Variants in PEX5L observed in about 807,000 individuals in gnomAD.
PEX5L encodes peroxisomal biogenesis factor 5 like, also known as PEX5-related protein.
PEX5L carries 30 observed loss-of-function variants against 84.0 expected under a neutral mutation model. That is an observed-to-expected ratio of 0.36 (90% CI 0.27 to 0.48). PEX5L has a LOEUF of 0.48. Ranked by LOEUF, PEX5L falls within the 20% of genes least tolerant of loss-of-function variation. The probability of loss-of-function intolerance (pLI) is 0.99; values close to 1 mark genes in which losing one functional copy is unlikely to be tolerated. For missense variants in PEX5L, 533 were observed against 754.6 expected, an observed-to-expected ratio of 0.71 and a Z score of 3.44; for synonymous variants, 270 against 283.1, an observed-to-expected ratio of 0.95 and a Z score of 0.46.
chr3:180,000,790 G>C (rs116304887), intron 1 of PEX5L, among the ~76,000 whole-genome samples: 4,261 of 152,194 alleles, frequency 0.028, 209 homozygotes, highest in African/African-American at 0.098. Context: ...ATTTAGGTTG[G>C]GGATTGGTGC....
intron 1 of PEX5L, among the ~76,000 whole-genome samples, chr3:180,020,008 G>C (rs1234497567): frequency 6.6e-6 from 1 of 152,182 alleles, no homozygotes; most frequent in African/African-American, 2.4e-5. Context: ...GATGGTCAGA[G>C]AGATTAAGAA....
chr3:180,001,415 G>A lies in PEX5L; in HGVS notation c.22-29750C>T, dbSNP rs188950926. Among the ~76,000 whole-genome samples the A allele has an allele frequency of 2.5e-3, 378 of 149,070 alleles. 1 individual carries two copies. Among genetic ancestry groups the A allele is most frequent in the African/African-American group, 8.8e-3 (357 of 40,574 alleles). The stretch of plus-strand genomic sequence containing the variant: ...TAGTTCTGTTTCTCTAGAGAACTCT[G>A]ACTTATACACCCACCGTCTCTCTGA... On this transcript the variant is annotated intron_variant, in intron 1 of 14. Coordinates refer to ENST00000467460, the MANE Select transcript of PEX5L (RefSeq NM_016559.3).
intron 7 of PEX5L, among the ~76,000 whole-genome samples, chr3:179,869,885 T>TA (rs1299792880): frequency 6.6e-6 from 1 of 152,226 alleles, no homozygotes; most frequent in African/African-American, 2.4e-5. Context: ...TATATATAGA[T>TA]ATCTATATAA....
At chr3:179,841,297 C>T (rs1247382316) in intron 8 of PEX5L, among the ~76,000 whole-genome samples, 1 of 152,118 alleles carries the variant, frequency 6.6e-6, no homozygotes, top group Non-Finnish European at 1.5e-5. Context: ...TGTATTCTTC[C>T]CTCTGCTTCG....
intron 2 of PEX5L, among the ~76,000 whole-genome samples, chr3:179,905,273 TG>T (rs1201722230): frequency 7.5e-6 from 1 of 134,228 alleles, no homozygotes; most frequent in African/African-American, 2.6e-5. Context: ...AGTCAATCTG[TG>T]TCCTTTTTTT....
At chr3:179,927,969 C>T (rs1771933544) in intron 2 of PEX5L, among the ~76,000 whole-genome samples, 1 of 152,114 alleles carries the variant, frequency 6.6e-6, no homozygotes, top group Non-Finnish European at 1.5e-5. Context: ...GTATATATTT[C>T]TGGGACTAAA....
At chr3:180,012,902 GA>G (rs1001988661) in intron 1 of PEX5L, among the ~76,000 whole-genome samples, 2 of 151,900 alleles carry the variant, frequency 1.3e-5, no homozygotes, top group Non-Finnish European at 2.9e-5. Context: ...GAATCACACT[GA>G]AAAAAATCAA....
Position 179,824,026 on chromosome 3 carries a change from A to T in PEX5L, c.823-4050T>A, listed in dbSNP as rs574261481. ...TTTGATTGTAAAACTGGAAAACAAA[A>T]TTTTTTTATAAGAACCAGGGCAATA... On this transcript the variant is annotated intron_variant, in intron 8 of 14. Transcript: ENST00000467460. 1.4e-4 allele frequency among the ~76,000 whole-genome samples: 21 copies of T among 152,254 alleles called. No individual in the cohort carries two copies. In the South Asian group the frequency reaches 2.7e-3, roughly 20 times the overall value.
intron 8 of PEX5L, among the ~76,000 whole-genome samples, chr3:179,825,661 T>C (rs1305026674): frequency 6.6e-6 from 1 of 152,180 alleles, no homozygotes; most frequent in Non-Finnish European, 1.5e-5. Flanking sequence ...GGAAAACAGA[T>C]GGGCTTTGGC....
rs140798330 is a variant in PEX5L at position 180,013,524 on chromosome 3, T to C, written c.21+23055A>G. 1.8e-3 allele frequency among the ~76,000 whole-genome samples: 274 copies of C among 152,256 alleles called. 2 individuals carry two copies. Among genetic ancestry groups the C allele is most frequent in the African/African-American group, 6.4e-3 (266 of 41,564 alleles). On this transcript the variant is annotated intron_variant, in intron 1 of 14. Transcript: ENST00000467460. The stretch of plus-strand genomic sequence containing the variant: ...GGATCACTTGTGACTAAGGGCTCCA[T>C]AGTCACAAGTGATCCAAATTAGTTG...
intron 2 of PEX5L, among the ~76,000 whole-genome samples, chr3:179,903,598 C>G (rs556973566): frequency 6.6e-6 from 1 of 152,084 alleles, no homozygotes; most frequent in Admixed American, 6.6e-5. Context: ...AAACTAGCCA[C>G]CAAAAGGCTA....
At chr3:179,939,029 G>A (rs991389213) in intron 2 of PEX5L, among the ~76,000 whole-genome samples, 1 of 152,144 alleles carries the variant, frequency 6.6e-6, no homozygotes, top group Non-Finnish European at 1.5e-5. Flanking sequence ...ATGGCTCAGG[G>A]GCTGGGAAAA....
chr3:179,950,391 A>G (rs532488422), intron 2 of PEX5L, among the ~76,000 whole-genome samples: 1 of 152,236 alleles, frequency 6.6e-6, no homozygotes, highest in East Asian at 1.9e-4. Flanking sequence ...GAGGGATAGC[A>G]TTAGGAGATA....
At position 179,796,051 on chromosome 3, in the gene PEX5L, G is replaced by A. The variant is rs375069457; in HGVS notation, c.*5777C>T. ...TTCTCACATGGCAGAATTCTTGTATGGTATCCATGCAGAAATGCTATATAT... is the reference window on the plus strand; with the variant it reads ...TTCTCACATGGCAGAATTCTTGTATAGTATCCATGCAGAAATGCTATATAT... On this transcript the variant is annotated 3_prime_UTR_variant, in exon 15 of 15. Transcript: ENST00000467460. 6.6e-6 allele frequency: 1 copy of A among 152,054 alleles called. No individual in the cohort carries two copies. The highest frequency in any genetic ancestry group is 2.4e-5 in the African/African-American group (1 of 41,388). 9.4% of individuals were successfully genotyped at this position (152,054 alleles called of 1,614,324 possible).
At chr3:180,010,277 G>A (rs1481208362) in intron 1 of PEX5L, among the ~76,000 whole-genome samples, 1 of 108,548 alleles carries the variant, frequency 9.2e-6, no homozygotes, top group Non-Finnish European at 1.9e-5. Flanking sequence ...CTGTAGAGAT[G>A]GAGGTCTTAC....
chr3:179,841,139 G>A (rs1194080839), intron 8 of PEX5L, among the ~76,000 whole-genome samples: 1 of 152,148 alleles, frequency 6.6e-6, no homozygotes, highest in East Asian at 1.9e-4. Context: ...GCTTGGCACA[G>A]AGCCCACATT....
chr3:179,914,092 T>C (rs1449943052), intron 2 of PEX5L, among the ~76,000 whole-genome samples: 5 of 152,150 alleles, frequency 3.3e-5, no homozygotes, highest in Non-Finnish European at 7.4e-5. Flanking sequence ...GAGATTGATG[T>C]TTTAGATAGC....
intron 2 of PEX5L, among the ~76,000 whole-genome samples, chr3:179,922,451 C>CTTTTT (rs35332742): frequency 6.0e-5 from 8 of 134,048 alleles, no homozygotes; most frequent in Admixed American, 7.5e-5. Flanking sequence ...CTTTTCTTTT[C>CTTTTT]TTTTTTTTTT....
At chr3:179,848,371 C>T (rs1740442975) in intron 8 of PEX5L, among the ~76,000 whole-genome samples, 1 of 151,682 alleles carries the variant, frequency 6.6e-6, no homozygotes, top group South Asian at 2.1e-4. Context: ...GGCAACATGG[C>T]AACATTCCGT....
Sources: gnomAD v4.1 joint callset for allele counts (sites outside exome capture counted in the v4.1 genomes callset) on GRCh38, gnomAD v4.1.1 for gene constraint, MANE v1.5 for transcripts, NCBI Gene and HGNC (gene_info 2026-07-23, HGNC 2026-07-21) for gene names.